Variants in DIS3L2 observed in about 807,000 individuals in gnomAD.
DIS3L2 encodes DIS3-like exonuclease 2.
A neutral mutation model predicts 97.5 loss-of-function variants in DIS3L2; 34 were observed. The observed-to-expected ratio is 0.35, with a 90% CI of 0.27 to 0.46. DIS3L2 has a LOEUF of 0.46. DIS3L2 is among the 20% of genes least tolerant of loss of function. The pLI is 1.00. For missense variants in DIS3L2, 1,038 were observed against 1,146.0 expected (o/e 0.91, Z 1.36); for synonymous variants, 435 against 445.2 (o/e 0.98, Z 0.29).
chr2:232,080,900 C>CA (rs34838591), intron 5 of DIS3L2, among the ~76,000 whole-genome samples: 3,444 of 116,214 alleles, frequency 0.03, 140 homozygotes, highest in African/African-American at 0.075. Flanking sequence ...AGCTCTGTCT[C>CA]AAAAAAAAAA....
intron 13 of DIS3L2, among the ~76,000 whole-genome samples, chr2:232,295,264 C>T (rs1039819537): frequency 6.6e-6 from 1 of 152,180 alleles, no homozygotes; most frequent in Non-Finnish European, 1.5e-5. Context: ...ACCTTCATCA[C>T]TTTCCTCAAA....
chr2:232,042,453 C>A (rs1483747308), intron 5 of DIS3L2, among the ~76,000 whole-genome samples: 1 of 152,020 alleles, frequency 6.6e-6, no homozygotes, highest in East Asian at 1.9e-4. Flanking sequence ...GCCTGCATGG[C>A]AGGCCTGAAA....
intron 19 of DIS3L2, 75 bp from the exon 20 acceptor site, chr2:232,335,698 T>C (rs963622001): frequency 1.3e-6 from 2 of 1,495,738 alleles, no homozygotes; most frequent in African/African-American, 1.4e-5. Flanking sequence ...CCTCCAAGCA[T>C]TGAAGCCCTC....
At chr2:232,261,848 C>T (rs747158459) in intron 12 of DIS3L2, among the ~76,000 whole-genome samples, 9 of 152,186 alleles carry the variant, frequency 5.9e-5, no homozygotes, top group Non-Finnish European at 1.3e-4. Context: ...CAGTCTCTAG[C>T]AGTGTAACCT....
chr2:232,257,216 T>C (rs1159091111), intron 12 of DIS3L2, among the ~76,000 whole-genome samples: 3 of 152,202 alleles, frequency 2.0e-5, no homozygotes, highest in Admixed American at 6.5e-5. Flanking sequence ...ATGATGGCCC[T>C]AGTGTGAGGA....
At position 232,325,481 on chromosome 2, in the gene DIS3L2, G is replaced by C. The variant is rs1317759420; in HGVS notation, c.1740-4332G>C. 6.6e-6 allele frequency among the ~76,000 whole-genome samples: 1 copy of C among 152,168 alleles called. No individual in the cohort carries two copies. The highest frequency in any genetic ancestry group is 1.9e-4 in the East Asian group (1 of 5,190). ...GAGGGGCTCGCTGAGCCTCATACCT[G>C]AGCCTCCCCCTCCCCACCCCCTCCT... On this transcript the variant is annotated intron_variant, in intron 14 of 20. Coordinates refer to ENST00000325385, the MANE Select transcript of DIS3L2 (RefSeq NM_152383.5). This position sits in a 1 kb window ranked among gnomAD's most constrained non-coding sequence, Gnocchi z 4.6.
intron 1 of DIS3L2, among the ~76,000 whole-genome samples, chr2:232,006,349 A>G (rs1009014273): frequency 2.0e-5 from 3 of 152,242 alleles, no homozygotes; most frequent in Non-Finnish European, 4.4e-5. Context: ...GAATTCAGAC[A>G]GTGCTAATTA....
intron 8 of DIS3L2, among the ~76,000 whole-genome samples, chr2:232,161,771 C>T (rs1261915424): frequency 6.7e-6 from 1 of 149,870 alleles, no homozygotes; most frequent in African/African-American, 2.4e-5. Context: ...GTGCCTGACC[C>T]CAGTTCAATT....
chr2:232,001,557 C>CTTTTTTTTTTTTTTTTTTTTTTT (rs57766848), intron 1 of DIS3L2, among the ~76,000 whole-genome samples: 9 of 61,920 alleles, frequency 1.5e-4, no homozygotes, highest in Admixed American at 3.2e-4. Context: ...TGCCATTTGT[C>CTTTTTTTTTTTTTTTTTTTTTTT]TTTTTTTTTT....
chr2:232,242,341 G>T (rs529937239), intron 11 of DIS3L2, among the ~76,000 whole-genome samples: 5 of 152,300 alleles, frequency 3.3e-5, no homozygotes, highest in Non-Finnish European at 7.4e-5. Flanking sequence ...ATGGGTTATC[G>T]CACTGAAGGC....
intron 9 of DIS3L2, among the ~76,000 whole-genome samples, chr2:232,209,070 G>A (rs558148657): frequency 2.5e-4 from 38 of 152,138 alleles, no homozygotes; most frequent in African/African-American, 8.7e-4. Flanking sequence ...TAATGTGGTG[G>A]GGTTTTTATT....
At chr2:232,230,538 T>G (rs1428481868) in intron 10 of DIS3L2, among the ~76,000 whole-genome samples, 1 of 152,216 alleles carries the variant, frequency 6.6e-6, no homozygotes, top group Non-Finnish European at 1.5e-5. Context: ...CATCATAGAC[T>G]GGGTGGAAAC....
At chr2:232,128,014 G>T (rs919781725) in intron 6 of DIS3L2, among the ~76,000 whole-genome samples, 3 of 151,716 alleles carry the variant, frequency 2.0e-5, no homozygotes, top group Admixed American at 6.6e-5. Context: ...GCGGTGGCAC[G>T]ATCCTGATTC....
intron 5 of DIS3L2, among the ~76,000 whole-genome samples, chr2:232,032,217 T>C (rs1195575116): frequency 6.6e-6 from 1 of 152,266 alleles, no homozygotes; most frequent in African/African-American, 2.4e-5. Context: ...TGGCGTGAGA[T>C]AATATCTCAT....
intron 1 of DIS3L2, among the ~76,000 whole-genome samples, chr2:231,994,668 T>C (rs1237550350): frequency 1.3e-5 from 2 of 152,176 alleles, no homozygotes; most frequent in Admixed American, 1.3e-4. Flanking sequence ...GGAGAAAGTC[T>C]AGTACTAGTA....
intron 9 of DIS3L2, among the ~76,000 whole-genome samples, chr2:232,197,361 A>T (rs1375789185): frequency 1.3e-5 from 2 of 152,228 alleles, no homozygotes; most frequent in Admixed American, 1.3e-4. Context: ...TAGTATATTT[A>T]AGTGAAAATA....
At chr2:232,186,563 T>C (rs185245745) in intron 9 of DIS3L2, among the ~76,000 whole-genome samples, 1 of 152,300 alleles carries the variant, frequency 6.6e-6, no homozygotes, top group East Asian at 1.9e-4. Flanking sequence ...TTATGAAGCC[T>C]GATACCCAAA....
At chr2:232,036,521 C>T (rs1694953757) in intron 5 of DIS3L2, among the ~76,000 whole-genome samples, 1 of 152,170 alleles carries the variant, frequency 6.6e-6, no homozygotes, top group African/African-American at 2.4e-5. Flanking sequence ...CCTACTTCTG[C>T]CAGTTCGTCA....
Position 232,329,792 on chromosome 2 carries a change from C to T in DIS3L2, c.1740-21C>T. ...GTCCCCAAACCCCAGCGGTCCCTCC[C>T]ATCCCACCCACCCTCTGCAGGCTCG... On this transcript the variant is annotated intron_variant, in intron 14 of 20. Transcript: ENST00000325385. 3.4e-5 allele frequency: 12 copies of T among 353,688 alleles called. 1 individual carries two copies. Among genetic ancestry groups the T allele is most frequent in the Non-Finnish European group, 6.4e-5 (12 of 187,180 alleles). The allele number at this position is 353,688 out of a possible 1,614,324, so 21.9% of individuals were successfully genotyped here.
Sources: gnomAD v4.1 joint callset for allele counts (sites outside exome capture counted in the v4.1 genomes callset) on GRCh38, gnomAD v4.1.1 for gene constraint, Gnocchi (gnomAD v3.1) non-coding constraint, MANE v1.5 for transcripts, NCBI Gene and HGNC (gene_info 2026-07-23, HGNC 2026-07-21) for gene names.